GPC6: variants seen among roughly 807,000 people sequenced by gnomAD.
The protein encoded by GPC6 is glypican 6, also known as glypican-6.
A neutral mutation model predicts 55.2 loss-of-function variants in GPC6; 14 were observed. The ratio of observed to expected loss-of-function variants is 0.25; its 90% CI spans 0.17 to 0.40. The LOEUF (loss-of-function observed/expected upper bound fraction) is 0.40. GPC6 is among the 10% of genes least tolerant of loss of function. GPC6 has a pLI of 1.00. For synonymous variants in GPC6, 278 were observed against 259.6 expected (o/e 1.07, Z -0.68); for missense variants, 641 against 708.5 (o/e 0.90, Z 1.08).
At chr13:93,430,232 T>C (rs1452928804) in intron 1 of GPC6, among the ~76,000 whole-genome samples, 1 of 152,132 alleles carries the variant, frequency 6.6e-6, no homozygotes, top group Non-Finnish European at 1.5e-5. Context: ...ATTTTTTAAG[T>C]CTTGAGAATT....
chr13:93,640,444 A>G (rs927014011), intron 2 of GPC6, among the ~76,000 whole-genome samples: 1 of 152,054 alleles, frequency 6.6e-6, no homozygotes, highest in African/African-American at 2.4e-5. Context: ...AATAACTTCT[A>G]CAAGGTCATA....
At chr13:93,716,697 TAA>T (rs776016427) in intron 2 of GPC6, among the ~76,000 whole-genome samples, 1 of 151,562 alleles carries the variant, frequency 6.6e-6, no homozygotes, top group Non-Finnish European at 1.5e-5. Flanking sequence ...AGAAAGTTTA[TAA>T]GTCTTTGTAA....
At chr13:93,482,563 G>A (rs895871083) in intron 1 of GPC6, among the ~76,000 whole-genome samples, 1 of 152,064 alleles carries the variant, frequency 6.6e-6, no homozygotes, top group African/African-American at 2.4e-5. Context: ...AAGAAATAAA[G>A]TTAAATTTAG....
At chr13:93,946,218 C>T (rs1298274359) in intron 3 of GPC6, among the ~76,000 whole-genome samples, 1 of 152,148 alleles carries the variant, frequency 6.6e-6, no homozygotes, top group Non-Finnish European at 1.5e-5. Context: ...TATAGAGATA[C>T]AATTCACACA....
At chr13:94,190,020 CAAA>C (rs551911889) in intron 4 of GPC6, among the ~76,000 whole-genome samples, 4 of 126,804 alleles carry the variant, frequency 3.2e-5, no homozygotes, top group African/African-American at 1.2e-4. Context: ...GACTCTGTCT[CAAA>C]AAAAAAAAAA....
At chr13:94,380,605 C>A (rs1880114412) in intron 6 of GPC6, among the ~76,000 whole-genome samples, 1 of 152,134 alleles carries the variant, frequency 6.6e-6, no homozygotes, top group African/African-American at 2.4e-5. Context: ...TGTTGTAGAG[C>A]AAGTTGTGGA....
intron 4 of GPC6, among the ~76,000 whole-genome samples, chr13:94,273,546 C>T (rs1171733539): frequency 6.6e-6 from 1 of 152,138 alleles, no homozygotes; most frequent in African/African-American, 2.4e-5. Flanking sequence ...TATGTTTTCT[C>T]CTTCATTATT....
At chr13:93,952,850 A>T (rs1879319266) in intron 3 of GPC6, among the ~76,000 whole-genome samples, 1 of 139,528 alleles carries the variant, frequency 7.2e-6, no homozygotes, top group Non-Finnish European at 1.6e-5. Flanking sequence ...ACACATATAT[A>T]TACGTATATA....
At position 94,403,384 on chromosome 13, in the gene GPC6, C is replaced by T. The variant is rs539752610; in HGVS notation, c.*167C>T. The T allele has an allele frequency of 2.5e-5, 17 of 681,886 alleles. No homozygotes were observed. Among genetic ancestry groups the T allele is most frequent in the Middle Eastern group, 3.9e-4 (1 of 2,594 alleles). The allele number at this position is 681,886 out of a possible 1,614,324, so 42.2% of individuals were successfully genotyped here. A position where few individuals can be genotyped will look rare whatever the true frequency, so the allele number is the denominator to read the frequency against. ...CCCTTTTTGTTTTCCCAAAGAGTAC[C>T]GGGTGCCAGACTGAACTGCTTCCTC... is the stretch of plus-strand genomic sequence containing the variant. On this transcript the variant is annotated 3_prime_UTR_variant, in exon 9 of 9. Coordinates refer to ENST00000377047, the MANE Select transcript of GPC6 (RefSeq NM_005708.5).
chr13:94,094,359 G>A (rs1184430471), intron 4 of GPC6, among the ~76,000 whole-genome samples: 1 of 152,022 alleles, frequency 6.6e-6, no homozygotes, highest in East Asian at 1.9e-4. Context: ...AGTGAAGGAA[G>A]GTCTGTAATG....
intron 4 of GPC6, among the ~76,000 whole-genome samples, chr13:94,097,319 G>T (rs991977248): frequency 6.6e-6 from 1 of 151,844 alleles, no homozygotes; most frequent in Non-Finnish European, 1.5e-5. Context: ...TGGCTAACAC[G>T]GTGAAACCCC....
At chr13:93,694,216 C>T (rs1248901266) in intron 2 of GPC6, among the ~76,000 whole-genome samples, 5 of 152,168 alleles carry the variant, frequency 3.3e-5, no homozygotes, top group Middle Eastern at 3.4e-3. Flanking sequence ...TTTTTACTTA[C>T]GGCACAATGT....
chr13:94,012,925 G>GT (rs1248819192), intron 3 of GPC6, among the ~76,000 whole-genome samples: 1 of 152,206 alleles, frequency 6.6e-6, no homozygotes, highest in East Asian at 1.9e-4. Flanking sequence ...TATTTAAGCT[G>GT]TAATTTCTAG....
In GPC6 at chr13:93,794,149, C is replaced by T. The variant is rs1187171021; in HGVS notation, c.320-36005C>T. Among the ~76,000 whole-genome samples the T allele has an allele frequency of 2.0e-5, 3 of 152,198 alleles. No homozygotes were observed. The South Asian group carries it at 6.2e-4, about 32-fold the overall frequency. On this transcript the variant is annotated intron_variant, in intron 2 of 8. Coordinates refer to ENST00000377047, the MANE Select transcript of GPC6 (RefSeq NM_005708.5). ...TCCTTTCCACATTCATTTCCAACTTCAGATTTATGATGGATTTTATGATAG... is the reference window on the plus strand; with the variant it reads ...TCCTTTCCACATTCATTTCCAACTTTAGATTTATGATGGATTTTATGATAG...
At chr13:94,208,648 A>G (rs1889976949) in intron 4 of GPC6, among the ~76,000 whole-genome samples, 1 of 150,930 alleles carries the variant, frequency 6.6e-6, no homozygotes, top group South Asian at 2.1e-4. Context: ...AGCGCTAGAC[A>G]CAGGGGCTCC....
intron 4 of GPC6, among the ~76,000 whole-genome samples, chr13:94,161,991 T>G (rs1015011447): frequency 6.6e-6 from 1 of 152,104 alleles, no homozygotes; most frequent in African/African-American, 2.4e-5. Flanking sequence ...CTCATAAGAC[T>G]TATTCACTAC....
At chr13:93,471,700 T>A (rs1052931253) in intron 1 of GPC6, among the ~76,000 whole-genome samples, 3 of 150,330 alleles carry the variant, frequency 2.0e-5, no homozygotes, top group African/African-American at 4.9e-5. Context: ...ATGTTTTTTT[T>A]ATTAATGTTC....
At position 93,354,800 on chromosome 13, in the gene GPC6, G is replaced by A. The variant is rs770619722; in HGVS notation, c.160+127184G>A. Among the ~76,000 whole-genome samples the A allele has an allele frequency of 8.5e-5, 13 of 152,226 alleles. No individual in the cohort carries two copies. In the South Asian group the frequency reaches 1.0e-3, roughly 12 times the overall value. On this transcript the variant is annotated intron_variant, in intron 1 of 8. Coordinates refer to ENST00000377047, the MANE Select transcript of GPC6 (RefSeq NM_005708.5). ...CTGGCATTTCTCTGTCCAGCTGTGC[G>A]TGGACAGAGAATCCACCCACTTCAA...
chr13:93,957,004 C>G (rs1249565442), intron 3 of GPC6, among the ~76,000 whole-genome samples: 1 of 152,044 alleles, frequency 6.6e-6, no homozygotes, highest in Non-Finnish European at 1.5e-5. Context: ...ATATGGTATT[C>G]CCAAATTAGC....
Sources: allele counts gnomAD v4.1 joint callset (sites outside exome capture counted in the v4.1 genomes callset), GRCh38; gene constraint gnomAD v4.1.1; transcripts MANE v1.5; gene names NCBI Gene and HGNC (gene_info 2026-07-23, HGNC 2026-07-21).